The following LRRTM4 variants were observed in gnomAD, a reference collection of about 807,000 sequenced individuals.
LRRTM4 encodes leucine-rich repeat transmembrane neuronal protein 4.
In LRRTM4, 25 loss-of-function variants were observed where a neutral mutation model predicts 47.6. That is an observed-to-expected ratio of 0.53 (90% CI 0.38 to 0.73). The LOEUF (loss-of-function observed/expected upper bound fraction) is 0.73, where lower values mean the gene tolerates loss of function less well. LRRTM4 is among the 30% of genes least tolerant of loss of function. The pLI, the probability that LRRTM4 is intolerant of heterozygous loss-of-function variation, is 0.00. For synonymous variants in LRRTM4, 311 were observed against 269.5 expected, an observed-to-expected ratio of 1.15 and a Z score of -1.51; for missense variants, 638 against 713.4, an observed-to-expected ratio of 0.89 and a Z score of 1.20.
At chr2:77,185,880 C>T (rs1233258324) in intron 3 of LRRTM4, among the ~76,000 whole-genome samples, 1 of 152,098 alleles carries the variant, frequency 6.6e-6, no homozygotes, top group Non-Finnish European at 1.5e-5. Flanking sequence ...TCTTTAACTT[C>T]AGTGGGCTCA....
chr2:77,296,465 A>G (rs565709527), intron 3 of LRRTM4, among the ~76,000 whole-genome samples: 1 of 152,144 alleles, frequency 6.6e-6, no homozygotes, highest in Admixed American at 6.6e-5. Context: ...GGTTTTTGGT[A>G]TGCCTGTTAA....
intron 3 of LRRTM4, among the ~76,000 whole-genome samples, chr2:77,153,418 A>G (rs1672480369): frequency 6.6e-6 from 1 of 152,192 alleles, no homozygotes; most frequent in African/African-American, 2.4e-5. Flanking sequence ...CAAGTTTAAA[A>G]ATCTAAGAAA....
intron 3 of LRRTM4, among the ~76,000 whole-genome samples, chr2:77,127,499 C>T (rs1412114911): frequency 6.6e-6 from 1 of 152,076 alleles, no homozygotes; most frequent in Non-Finnish European, 1.5e-5. Context: ...CACACTGTAC[C>T]AAAATTGGTC....
At chr2:77,205,126 G>C (rs938823082) in intron 3 of LRRTM4, among the ~76,000 whole-genome samples, 1 of 152,194 alleles carries the variant, frequency 6.6e-6, no homozygotes, top group African/African-American at 2.4e-5. Flanking sequence ...TACACATGTA[G>C]TGCAACACTT....
chr2:76,795,192 A>C (rs114667555), intron 3 of LRRTM4, among the ~76,000 whole-genome samples: 1 of 152,178 alleles, frequency 6.6e-6, no homozygotes, highest in African/African-American at 2.4e-5. Flanking sequence ...AAGGTGCCCG[A>C]ATCCACAAAT....
intron 3 of LRRTM4, among the ~76,000 whole-genome samples, chr2:77,218,186 G>T (rs535274966): frequency 1.3e-5 from 2 of 152,178 alleles, no homozygotes; most frequent in East Asian, 3.9e-4. Context: ...TAGAGATGGG[G>T]TTTCTTCATG....
chr2:76,993,174 G>A (rs1031519358), intron 3 of LRRTM4, among the ~76,000 whole-genome samples: 4 of 151,824 alleles, frequency 2.6e-5, no homozygotes, highest in African/African-American at 9.7e-5. Context: ...AATCCTAGAA[G>A]AAAACCTAGG....
intron 3 of LRRTM4, among the ~76,000 whole-genome samples, chr2:76,834,456 T>C (rs1033603890): frequency 1.3e-5 from 2 of 152,080 alleles, no homozygotes; most frequent in African/African-American, 4.8e-5. Context: ...TCAATGAGAA[T>C]AGCTCCTTTG....
At chr2:77,372,370 G>C (rs773823353) in intron 3 of LRRTM4, among the ~76,000 whole-genome samples, 5 of 151,692 alleles carry the variant, frequency 3.3e-5, no homozygotes, top group Non-Finnish European at 5.9e-5. Flanking sequence ...TTTTTGGTAA[G>C]TTGACTGAAT....
chr2:76,823,328 G>C (rs1056294359), intron 3 of LRRTM4, among the ~76,000 whole-genome samples: 1 of 151,276 alleles, frequency 6.6e-6, no homozygotes, highest in African/African-American at 2.4e-5. Flanking sequence ...TGCATAAAAA[G>C]CAATCAGCCA....
At chr2:77,258,367 T>G (rs763170246) in intron 3 of LRRTM4, among the ~76,000 whole-genome samples, 2 of 152,100 alleles carry the variant, frequency 1.3e-5, no homozygotes, top group Non-Finnish European at 2.9e-5. Context: ...TAGCTCTATA[T>G]CTTGATTGTG....
At chr2:77,276,194 A>G (rs1676344583) in intron 3 of LRRTM4, among the ~76,000 whole-genome samples, 1 of 152,036 alleles carries the variant, frequency 6.6e-6, no homozygotes, top group East Asian at 1.9e-4. Flanking sequence ...TCTAACCATT[A>G]AAAATAAGTC....
At chr2:77,479,312 T>A (rs1216726937) in intron 3 of LRRTM4, among the ~76,000 whole-genome samples, 1 of 152,192 alleles carries the variant, frequency 6.6e-6, no homozygotes, top group East Asian at 1.9e-4. Flanking sequence ...AATGTGAAAG[T>A]CTCTGAATGG....
At chr2:77,322,426 T>C (rs1573251160) in intron 3 of LRRTM4, among the ~76,000 whole-genome samples, 1 of 152,136 alleles carries the variant, frequency 6.6e-6, no homozygotes, top group Non-Finnish European at 1.5e-5. Context: ...AGATGTGATC[T>C]CATATCACAG....
chr2:76,852,573 T>G (rs1323433931), intron 3 of LRRTM4, among the ~76,000 whole-genome samples: 1 of 152,196 alleles, frequency 6.6e-6, no homozygotes, highest in Non-Finnish European at 1.5e-5. Context: ...AATTAGCATT[T>G]GTCTATACAT....
At chr2:77,178,592 AAACAACAACAAC>A (rs572583930) in intron 3 of LRRTM4, among the ~76,000 whole-genome samples, 1 of 151,900 alleles carries the variant, frequency 6.6e-6, no homozygotes, top group East Asian at 1.9e-4. Context: ...TCTCAAAAAC[AAACAACAACAAC>A]AACAACAACA....
At chr2:77,138,585 A>G (rs1047619082) in intron 3 of LRRTM4, among the ~76,000 whole-genome samples, 1 of 152,228 alleles carries the variant, frequency 6.6e-6, no homozygotes, top group Non-Finnish European at 1.5e-5. Flanking sequence ...GAGCAAACAC[A>G]TTCAAAAGCT....
chr2:76,928,861 C>T (rs956271937), intron 3 of LRRTM4, among the ~76,000 whole-genome samples: 2 of 152,076 alleles, frequency 1.3e-5, no homozygotes, highest in African/African-American at 4.8e-5. Context: ...ATGTAGTCAA[C>T]TTTAATATAA....
At chr2:77,331,614 C>T (rs1400434388) in intron 3 of LRRTM4, among the ~76,000 whole-genome samples, 3 of 152,136 alleles carry the variant, frequency 2.0e-5, no homozygotes, top group African/African-American at 7.2e-5. Context: ...CTCTTCTGTA[C>T]GTTATTTGAA....
Sources: allele counts gnomAD v4.1 joint callset (sites outside exome capture counted in the v4.1 genomes callset), GRCh38; gene constraint gnomAD v4.1.1; transcripts MANE v1.5; gene names NCBI Gene and HGNC (gene_info 2026-07-23, HGNC 2026-07-21).